CEP43: variants seen among roughly 807,000 people sequenced by gnomAD.
The protein encoded by CEP43 is FGFR1 oncogene partner.
Under a neutral mutation model 52.6 loss-of-function variants are expected in CEP43, and 36 were observed. That is an observed-to-expected ratio of 0.68 (90% CI 0.52 to 0.90). The LOEUF is 0.90. Among genes scored for constraint, CEP43 ranks in the 40% least tolerant of loss-of-function variants. CEP43 has a pLI of 0.00. For missense variants in CEP43, 506 were observed against 472.8 expected (o/e 1.07, Z -0.65); for synonymous variants, 192 against 172.4 (o/e 1.11, Z -0.89).
rs1383545335 is a variant in CEP43, at chr6:167,041,423, G to A, written c.*1445G>A. ...GTGTATTTCTGCCCTCCGTCTGTGA[G>A]CTGCTATCTCAGTCTCCTTCAGCTC... On this transcript the variant is annotated 3_prime_UTR_variant, in exon 13 of 13. Transcript: ENST00000366847. 3 of 1,060,804 alleles carry A rather than the reference G, an allele frequency of 2.8e-6. No homozygotes were observed. Among genetic ancestry groups the A allele is most frequent in the Non-Finnish European group, 3.4e-6 (3 of 876,540 alleles). The allele number at this position is 1,060,804 out of a possible 1,614,324, so 65.7% of individuals were successfully genotyped here.
chr6:167,009,069 A>G (rs1779919414), intron 5 of CEP43, among the ~76,000 whole-genome samples: 1 of 151,826 alleles, frequency 6.6e-6, no homozygotes, highest in Non-Finnish European at 1.5e-5. Context: ...AGCCTGGCCA[A>G]CCTAGTGAAA....
chr6:167,024,983 G>T, intron 9 of CEP43, 89 bp downstream of exon 9: 1 of 740,806 alleles, frequency 1.3e-6, no homozygotes, highest in South Asian at 1.7e-5. Flanking sequence ...TTTTTCCCAG[G>T]AAAATCACTA....
chr6:167,032,373 G>T (rs1780488301), intron 10 of CEP43, among the ~76,000 whole-genome samples: 2 of 152,180 alleles, frequency 1.3e-5, no homozygotes, highest in Non-Finnish European at 2.9e-5. Context: ...AGTACCCGGA[G>T]TAAAGATGAG....
intron 5 of CEP43, among the ~76,000 whole-genome samples, chr6:167,007,517 G>A (rs1047943565): frequency 2.0e-5 from 3 of 152,096 alleles, no homozygotes; most frequent in African/African-American, 7.2e-5. Flanking sequence ...TTGTGCATAT[G>A]TATATAAACA....
In CEP43 at chr6:167,044,634, AT is replaced by A; in HGVS notation, c.*4657del. Reference sequence around the variant, plus strand: ...TATTCCCTGATACATGTTTTTAAAAATGAATCTTGCTGCCCTTAGAAAATGA... The same window carrying A: ...TATTCCCTGATACATGTTTTTAAAAAGAATCTTGCTGCCCTTAGAAAATGA... On this transcript the variant is annotated 3_prime_UTR_variant, in exon 13 of 13. Coordinates refer to ENST00000366847, the MANE Select transcript of CEP43 (RefSeq NM_007045.4). 1.2e-6 allele frequency: 1 copy of A among 822,462 alleles called. No individual in the cohort carries two copies. Among genetic ancestry groups the A allele is most frequent in the Non-Finnish European group, 1.5e-6 (1 of 681,334 alleles). The allele number at this position is 822,462 out of a possible 1,614,324, so 50.9% of individuals were successfully genotyped here. A position where few individuals can be genotyped will look rare whatever the true frequency, so the allele number is the denominator to read the frequency against.
intron 10 of CEP43, among the ~76,000 whole-genome samples, chr6:167,026,833 G>A (rs1394390594): frequency 1.3e-5 from 2 of 152,184 alleles, no homozygotes; most frequent in African/African-American, 2.4e-5. Flanking sequence ...TGTCTTCATG[G>A]AGTTTAAATT....
Position 167,040,598 on chromosome 6 carries a change from A to G in CEP43, c.*620A>G, listed in dbSNP as rs1357415893. 1 of 1,047,796 alleles carries G rather than the reference A, an allele frequency of 9.5e-7. No homozygotes were observed. The highest frequency in any genetic ancestry group is 1.2e-6 in the Non-Finnish European group (1 of 866,088). The allele number at this position is 1,047,796 out of a possible 1,614,324, so 64.9% of individuals were successfully genotyped here. On this transcript the variant is annotated 3_prime_UTR_variant, in exon 13 of 13. Transcript: ENST00000366847. ...GTGCTATTTAGTTTTGCTTGTTTTA[A>G]AGAAATCTAGAAGTGGTTATGAGTT...
chr6:167,028,533 A>C (rs935420176), intron 10 of CEP43: 4 of 978,510 alleles, frequency 4.1e-6, no homozygotes, highest in Non-Finnish European at 4.9e-6. Flanking sequence ...GGTTGTTTAC[A>C]TTTTAAATAT....
rs1435408622 is a variant in CEP43, at chr6:167,042,026, G to A, written c.*2048G>A. The A allele has an allele frequency of 3.8e-6, 2 of 530,714 alleles. No homozygotes were observed. The highest frequency in any genetic ancestry group is 2.1e-5 in the African/African-American group (1 of 47,686). The allele number at this position is 530,714 out of a possible 1,614,324, so 32.9% of individuals were successfully genotyped here. On this transcript the variant is annotated 3_prime_UTR_variant, in exon 13 of 13. Coordinates refer to ENST00000366847, the MANE Select transcript of CEP43 (RefSeq NM_007045.4). Reference sequence around the variant, plus strand: ...TTTAGTAGAGATGGGGTTTCACCATGTTGGTCAGGCTGGTCTTGAACTCCT... The same window carrying A: ...TTTAGTAGAGATGGGGTTTCACCATATTGGTCAGGCTGGTCTTGAACTCCT...
chr6:167,038,410 A>G (rs1394258218), intron 12 of CEP43, among the ~76,000 whole-genome samples: 8 of 152,252 alleles, frequency 5.3e-5, no homozygotes, highest in African/African-American at 2.4e-5. Context: ...ATATGAAAAC[A>G]TAAGAAGGGA....
At chr6:167,033,098 T>C (rs998857561) in intron 11 of CEP43, among the ~76,000 whole-genome samples, 42 of 127,120 alleles carry the variant, frequency 3.3e-4, no homozygotes, top group African/African-American at 1.2e-3. Flanking sequence ...ATTGCCATTC[T>C]CTTTTTTTTT....
intron 6 of CEP43, among the ~76,000 whole-genome samples, chr6:167,012,833 C>T (rs1780014869): frequency 6.6e-6 from 1 of 152,188 alleles, no homozygotes; most frequent in Admixed American, 6.5e-5. Context: ...GTCCTAACAG[C>T]TGTCTCTGCC....
intron 12 of CEP43, among the ~76,000 whole-genome samples, chr6:167,038,498 CAT>C (rs1259166991): frequency 6.6e-6 from 1 of 152,172 alleles, no homozygotes; most frequent in Admixed American, 6.5e-5. Context: ...GTTAGCAATT[CAT>C]AGAGTGATAC....
At chr6:167,021,124 C>T (rs1042314632) in intron 7 of CEP43, among the ~76,000 whole-genome samples, 2 of 151,532 alleles carry the variant, frequency 1.3e-5, no homozygotes, top group African/African-American at 4.9e-5. Context: ...GACTACATTC[C>T]AGATTCCTTG....
intron 10 of CEP43, among the ~76,000 whole-genome samples, chr6:167,031,557 C>T (rs1475054753): frequency 6.6e-6 from 1 of 152,180 alleles, no homozygotes; most frequent in Non-Finnish European, 1.5e-5. Flanking sequence ...AGCTTGAATC[C>T]CCTCAGCAGT....
Position 167,003,267 on chromosome 6 carries a change from CTTGT to C in CEP43, c.211+23_211+26del, listed in dbSNP as rs761443830. The C allele has an allele frequency of 1.5e-6, 2 of 1,372,534 alleles. No individual in the cohort carries two copies. The highest frequency in any genetic ancestry group is 2.0e-6 in the Non-Finnish European group (2 of 1,003,064). 85.0% of individuals were successfully genotyped at this position (1,372,534 alleles called of 1,614,324 possible). A position where few individuals can be genotyped will look rare whatever the true frequency, so the allele number is the denominator to read the frequency against. On this transcript the variant is annotated intron_variant, in intron 3 of 12. Coordinates refer to ENST00000366847, the MANE Select transcript of CEP43 (RefSeq NM_007045.4). ...AAGACGGTAAGATGTTCAGTTTGTT[CTTGT>C]TTATCTATCTCTGAATTTTTGAATC...
intron 5 of CEP43, among the ~76,000 whole-genome samples, chr6:167,010,598 T>G (rs1244939402): frequency 6.6e-6 from 1 of 152,126 alleles, no homozygotes. Flanking sequence ...AGTGAATAAA[T>G]GAAATATTTT....
chr6:167,024,128 G>A (rs1780299826), intron 8 of CEP43, among the ~76,000 whole-genome samples: 1 of 152,164 alleles, frequency 6.6e-6, no homozygotes, highest in Admixed American at 6.5e-5. Flanking sequence ...TGTGTTTGCT[G>A]GAAAAGTGGA....
At chr6:167,005,727 A>G (rs942766528) in intron 5 of CEP43, among the ~76,000 whole-genome samples, 1 of 152,210 alleles carries the variant, frequency 6.6e-6, no homozygotes, top group Non-Finnish European at 1.5e-5. Context: ...GGTACTGGGC[A>G]ATCAAAAACA....
Sources: allele counts gnomAD v4.1 joint callset (sites outside exome capture counted in the v4.1 genomes callset), GRCh38; gene constraint gnomAD v4.1.1; transcripts MANE v1.5; gene names NCBI Gene and HGNC (gene_info 2026-07-23, HGNC 2026-07-21).